The following CACNA1C variants were observed in gnomAD, a reference collection of about 807,000 sequenced individuals.
CACNA1C encodes the protein calcium voltage-gated channel subunit alpha1 C.
CACNA1C carries 30 observed loss-of-function variants against 229.0 expected under a neutral mutation model. The ratio of observed to expected loss-of-function variants is 0.13; its 90% CI spans 0.10 to 0.18. CACNA1C has a LOEUF of 0.18. Ranked by LOEUF, CACNA1C falls within the 10% of genes least tolerant of loss-of-function variation. The probability of loss-of-function intolerance (pLI) is 1.00; values close to 1 mark genes in which losing one functional copy is unlikely to be tolerated. For missense variants in CACNA1C, 1,658 were observed against 2,845.0 expected (o/e 0.58, Z 9.49); for synonymous variants, 1,114 against 1,132.5 (o/e 0.98, Z 0.33).
intron 4 of CACNA1C, among the ~76,000 whole-genome samples, chr12:2,454,252 T>C (rs184495933): frequency 5.3e-5 from 8 of 152,354 alleles, no homozygotes; most frequent in Middle Eastern, 3.4e-3. Context: ...TCTTGGTTCT[T>C]GGATATCTGG....
chr12:2,526,279 A>T (rs1162053967), intron 9 of CACNA1C, among the ~76,000 whole-genome samples: 1 of 152,052 alleles, frequency 6.6e-6, no homozygotes, highest in Non-Finnish European at 1.5e-5. Flanking sequence ...ACCACACCCT[A>T]CCCCATGTGG....
chr12:1,985,462 C>T (rs1457731975), intron 1 of CACNA1C, among the ~76,000 whole-genome samples: 1 of 151,958 alleles, frequency 6.6e-6, no homozygotes, highest in Admixed American at 6.6e-5. Flanking sequence ...TTTTTTATAC[C>T]TATTTTTGTG....
In CACNA1C at chr12:2,108,065, G is replaced by A. The variant is rs549220251; in HGVS notation, c.50-7159G>A. Among the ~76,000 whole-genome samples the A allele has an allele frequency of 6.6e-6, 1 of 152,316 alleles. No homozygotes were observed. The highest frequency in any genetic ancestry group is 1.9e-4 in the East Asian group (1 of 5,178). On this transcript the variant is annotated intron_variant, in intron 1 of 46. Transcript: ENST00000399655. The surrounding 1 kb of genome is among the most constrained non-coding windows in gnomAD (Gnocchi z 5.3). ...GAGCTGCGTATGACTGGTAGCAAGG[G>A]CTCCGTAATCCAGCCTAGGATTATA... is the stretch of plus-strand genomic sequence containing the variant.
At chr12:2,644,954 C>T (rs1417572206) in intron 30 of CACNA1C, among the ~76,000 whole-genome samples, 2 of 152,184 alleles carry the variant, frequency 1.3e-5, no homozygotes, top group African/African-American at 4.8e-5. Flanking sequence ...AACCACTAAC[C>T]AGAGCTCGCT....
chr12:2,071,374 TGC>T (rs2061292045), intron 1 of CACNA1C, among the ~76,000 whole-genome samples: 4 of 151,388 alleles, frequency 2.6e-5, no homozygotes, highest in African/African-American at 7.3e-5. Flanking sequence ...TGCGGCACCA[TGC>T]CCAACTAATT....
intron 3 of CACNA1C, among the ~76,000 whole-genome samples, chr12:2,283,998 C>T (rs1007605752): frequency 2.6e-5 from 4 of 152,140 alleles, no homozygotes; most frequent in African/African-American, 9.7e-5. Flanking sequence ...GCTTCCTTGT[C>T]CACTGAAAAC....
chr12:2,280,315 T>A (rs549911788), intron 3 of CACNA1C, among the ~76,000 whole-genome samples: 70 of 79,102 alleles, frequency 8.8e-4, no homozygotes, highest in African/African-American at 5.5e-3. Flanking sequence ...TTGCTGTGCT[T>A]CGGTTTGACC....
chr12:2,281,163 A>G (rs2091135278), intron 3 of CACNA1C, among the ~76,000 whole-genome samples: 2 of 129,458 alleles, frequency 1.5e-5, no homozygotes, highest in African/African-American at 5.9e-5. Flanking sequence ...TTCAGTTGTT[A>G]CTAAACCCCT....
At chr12:2,658,354 T>G (rs559625911) in intron 34 of CACNA1C, among the ~76,000 whole-genome samples, 19 of 152,232 alleles carry the variant, frequency 1.2e-4, no homozygotes, top group Non-Finnish European at 2.5e-4. Flanking sequence ...TCTACAGTCA[T>G]GCACCACATG....
At chr12:2,551,146 T>C (rs1019834195) in intron 10 of CACNA1C, among the ~76,000 whole-genome samples, 1 of 152,092 alleles carries the variant, frequency 6.6e-6, no homozygotes, top group African/African-American at 2.4e-5. Context: ...GTCTGTCAGT[T>C]CTAGGCCTTT....
At chr12:2,615,615 G>A (rs2080090284) in intron 29 of CACNA1C, among the ~76,000 whole-genome samples, 1 of 152,064 alleles carries the variant, frequency 6.6e-6, no homozygotes, top group South Asian at 2.1e-4. Flanking sequence ...AATCCTTTAC[G>A]GCCAACAGGA....
intron 3 of CACNA1C, among the ~76,000 whole-genome samples, chr12:2,393,008 G>T (rs1353867518): frequency 6.6e-6 from 1 of 152,144 alleles, no homozygotes; most frequent in Non-Finnish European, 1.5e-5. Flanking sequence ...TATTAGCACA[G>T]CAAAGTACTG....
chr12:2,317,312 G>A (rs1298359328), intron 3 of CACNA1C, among the ~76,000 whole-genome samples: 1 of 152,206 alleles, frequency 6.6e-6, no homozygotes, highest in Non-Finnish European at 1.5e-5. Context: ...GTGATTGCAA[G>A]CTTTAAAAAG....
chr12:2,238,731 C>T (rs1167381752), intron 3 of CACNA1C, among the ~76,000 whole-genome samples: 1 of 152,150 alleles, frequency 6.6e-6, no homozygotes, highest in Non-Finnish European at 1.5e-5. Context: ...TAGGTATTTT[C>T]TCTGAGAAGC....
chr12:2,306,694 G>A (rs761898751), intron 3 of CACNA1C, among the ~76,000 whole-genome samples: 1 of 152,132 alleles, frequency 6.6e-6, no homozygotes, highest in Non-Finnish European at 1.5e-5. Flanking sequence ...CTTGTAAAAA[G>A]GGTATGTTAG....
intron 3 of CACNA1C, among the ~76,000 whole-genome samples, chr12:2,148,338 G>A (rs575452990): frequency 4.5e-4 from 68 of 151,332 alleles, no homozygotes; most frequent in African/African-American, 1.6e-3. Context: ...GCAAGAGGGC[G>A]TCTGAACTTG....
chr12:2,550,664 GT>G, intron 10 of CACNA1C: 1 of 1,347,304 alleles, frequency 7.4e-7, no homozygotes, highest in Non-Finnish European at 9.8e-7. Context: ...CCAGTCCCAG[GT>G]ACAATGCATT....
chr12:2,584,645 G>A (rs2061740710), intron 16 of CACNA1C, 28 bp downstream of exon 16: 1 of 1,393,636 alleles, frequency 7.2e-7, no homozygotes, highest in Non-Finnish European at 1.0e-6. Flanking sequence ...CCCAGGCCTG[G>A]GGCTCCAGGG....
At chr12:2,610,223 C>T (rs755234063) in intron 27 of CACNA1C, among the ~76,000 whole-genome samples, 9 of 152,094 alleles carry the variant, frequency 5.9e-5, no homozygotes, top group East Asian at 1.9e-4. Context: ...TTAGCGATGC[C>T]GACTCCCTGC....
Sources: allele counts gnomAD v4.1 joint callset (sites outside exome capture counted in the v4.1 genomes callset), GRCh38; gene constraint gnomAD v4.1.1; non-coding constraint Gnocchi (gnomAD v3.1); transcripts MANE v1.5; gene names NCBI Gene and HGNC (gene_info 2026-07-23, HGNC 2026-07-21).